Variants in IFIT1B observed in about 807,000 individuals in gnomAD.
IFIT1B encodes protein IFIT1 homolog B.
IFIT1B carries 3 observed loss-of-function variants against 2.5 expected under a neutral mutation model. The ratio of observed to expected loss-of-function variants is 1.21; its 90% confidence interval spans 0.55 to 3.14. The LOEUF (loss-of-function observed/expected upper bound fraction) is 3.14, where lower values mean the gene tolerates loss of function less well. Ranked by LOEUF, IFIT1B falls within the 30% of genes most tolerant of loss-of-function variation. IFIT1B has a pLI of 0.03. For missense variants in IFIT1B, 545 were observed against 556.5 expected (o/e 0.98, Z 0.21); for synonymous variants, 196 against 203.0 (o/e 0.97, Z 0.29).
In IFIT1B at chr10:89,383,341, A is replaced by T; in HGVS notation, c.28A>T (p.Ile10Phe). 6.2e-7 allele frequency: 1 copy of T among 1,613,486 alleles called. No homozygotes were observed. Among genetic ancestry groups the T allele is most frequent in the African/African-American group, 1.3e-5 (1 of 74,974 alleles). ...CAGTGAAGAATCTGATGGAAAGCTTATTGAAGACAGCCTGATTCAGCTGAG... is the reference window on the plus strand; with the variant it reads ...CAGTGAAGAATCTGATGGAAAGCTTTTTGAAGACAGCCTGATTCAGCTGAG... MSEESDGKL[I>F]EDSLIQLRCH... Residue 10 changes from isoleucine to phenylalanine, a missense_variant, in exon 2 of 2, where the codon ATT (isoleucine) becomes TTT (phenylalanine). Coordinates refer to ENST00000371809, the MANE Select transcript of IFIT1B (RefSeq NM_001010987.2).
intron 1 of IFIT1B, among the ~76,000 whole-genome samples, chr10:89,380,216 G>A (rs145871074): frequency 7.1e-4 from 108 of 152,224 alleles, no homozygotes; most frequent in Admixed American, 2.0e-3. Context: ...GACTATCCCA[G>A]ACTGAATAAT....
At chr10:89,380,323 G>T (rs1185203629) in intron 1 of IFIT1B, among the ~76,000 whole-genome samples, 1 of 152,170 alleles carries the variant, frequency 6.6e-6, no homozygotes, top group Non-Finnish European at 1.5e-5. Flanking sequence ...GACAGCTTAA[G>T]TGGAGCTTAA....
In IFIT1B at chr10:89,378,089, A is replaced by G; in HGVS notation, c.-47A>G. ...GTGGATGAACCTTGAAGGAGCCTCCAAGCCTGAACCAAAGCACTACAGATC... is the reference window on the plus strand; with the variant it reads ...GTGGATGAACCTTGAAGGAGCCTCCGAGCCTGAACCAAAGCACTACAGATC... On this transcript the variant is annotated 5_prime_UTR_variant, in exon 1 of 2. Coordinates refer to ENST00000371809, the MANE Select transcript of IFIT1B (RefSeq NM_001010987.2). 6.2e-7 allele frequency: 1 copy of G among 1,612,196 alleles called. No individual in the cohort carries two copies. Among genetic ancestry groups the G allele is most frequent in the Non-Finnish European group, 8.5e-7 (1 of 1,178,342 alleles).
chr10:89,382,483 T>A (rs895118118), intron 1 of IFIT1B, among the ~76,000 whole-genome samples: 1 of 152,222 alleles, frequency 6.6e-6, no homozygotes, highest in African/African-American at 2.4e-5. Flanking sequence ...TCCCACTGAC[T>A]TCATATTATT....
At position 89,384,437 on chromosome 10, in the gene IFIT1B, A is replaced by T. The variant is rs751785796; in HGVS notation, c.1124A>T (p.Gln375Leu). The T allele has an allele frequency of 6.2e-7, 1 of 1,614,244 alleles. No homozygotes were observed. Among genetic ancestry groups the T allele is most frequent in the Non-Finnish European group, 8.5e-7 (1 of 1,180,050 alleles). ...TTACGCATGAAGATCTTTGAAGATC[A>T]GCTAAAGCAAGAGATTCATTACCAC... ...KGLRMKIFED[Q>L]LKQEIHYHYG... Residue 375 changes from glutamine to leucine, a missense_variant, in exon 2 of 2, where the codon CAG becomes CTG. By Grantham distance (113) the Gln-to-Leu change is moderately radical. Coordinates refer to ENST00000371809, the MANE Select transcript of IFIT1B (RefSeq NM_001010987.2).
chr10:89,379,818 A>G (rs1844149169), intron 1 of IFIT1B, among the ~76,000 whole-genome samples: 1 of 152,158 alleles, frequency 6.6e-6, no homozygotes, highest in African/African-American at 2.4e-5. Context: ...GCAGATCACG[A>G]GGTCAGGAGA....
chr10:89,383,262 T>C, intron 1 of IFIT1B, 57 bp from the exon 2 acceptor site: 1 of 1,471,328 alleles, frequency 6.8e-7, no homozygotes, highest in Admixed American at 2.0e-5. Context: ...GCTGGCTTCA[T>C]TTTCAGTGGA....
In IFIT1B at chr10:89,383,763, G is replaced by A. The variant is rs781015137; in HGVS notation, c.450G>A (p.Ala150=). The A allele has an allele frequency of 3.4e-5, 55 of 1,614,070 alleles. No individual in the cohort carries two copies. Among genetic ancestry groups the A allele is most frequent in the South Asian group, 6.6e-5 (6 of 91,088 alleles). ...EVDCEEGWAL[A]KCGGKNYERA... ...ACTGTGAGGAAGGATGGGCCTTGGC[G>A]AAGTGTGGTGGAAAGAATTATGAAC... is the stretch of plus-strand genomic sequence containing the variant. Residue 150 remains alanine (A), a synonymous_variant, in exon 2 of 2, where the codon GCG becomes GCA. Coordinates refer to ENST00000371809, the MANE Select transcript of IFIT1B (RefSeq NM_001010987.2).
At chr10:89,382,118 C>T (rs999662164) in intron 1 of IFIT1B, among the ~76,000 whole-genome samples, 1 of 151,952 alleles carries the variant, frequency 6.6e-6, no homozygotes, top group African/African-American at 2.4e-5. Flanking sequence ...TTTCATCATC[C>T]ATTTTTTGTG....
chr10:89,384,455 A>G lies in IFIT1B; in HGVS notation c.1142A>G (p.His381Arg), dbSNP rs755994172. ...GAAGATCAGCTAAAGCAAGAGATTCATTACCACTACGGCCGTTTCCAAGAA... is the reference window on the plus strand; with the variant it reads ...GAAGATCAGCTAAAGCAAGAGATTCGTTACCACTACGGCCGTTTCCAAGAA... Reference protein sequence around the residue: ...IFEDQLKQEIHYHYGRFQEHH... With the variant: ...IFEDQLKQEIRYHYGRFQEHH... Residue 381 changes from histidine to arginine, a missense_variant, in exon 2 of 2, where the codon CAT (histidine) becomes CGT (arginine). Coordinates refer to ENST00000371809, the MANE Select transcript of IFIT1B (RefSeq NM_001010987.2). The G allele has an allele frequency of 6.2e-7, 1 of 1,614,246 alleles. No homozygotes were observed. The highest frequency in any genetic ancestry group is 1.1e-5 in the South Asian group (1 of 91,090).
Position 89,384,655 on chromosome 10 carries a change from A to G in IFIT1B, c.1342A>G (p.Lys448Glu). Residue 448 changes from lysine to glutamate, a missense_variant, in exon 2 of 2, where the codon AAA becomes GAA. Coordinates refer to ENST00000371809, the MANE Select transcript of IFIT1B (RefSeq NM_001010987.2). ...TGTCAGCCTCCTTGGGCTTATCCACAAATTGAAAGGAGAAGTAAGTGATGC... is the reference window on the plus strand; with the variant it reads ...TGTCAGCCTCCTTGGGCTTATCCACGAATTGAAAGGAGAAGTAAGTGATGC... Reference protein sequence around the residue: ...ESVSLLGLIHKLKGEVSDALL... With the variant: ...ESVSLLGLIHELKGEVSDALL... 6.2e-7 allele frequency: 1 copy of G among 1,614,226 alleles called. No homozygotes were observed. The highest frequency in any genetic ancestry group is 8.5e-7 in the Non-Finnish European group (1 of 1,180,032).
intron 1 of IFIT1B, among the ~76,000 whole-genome samples, chr10:89,380,145 G>T (rs1384567571): frequency 6.6e-6 from 1 of 152,102 alleles, no homozygotes; most frequent in Non-Finnish European, 1.5e-5. Context: ...GAGAGGTTTT[G>T]CAATGGCCTG....
rs748168634 is a variant in IFIT1B at position 89,384,058 on chromosome 10, T to C, written c.745T>C (p.Ser249Pro). The change falls in exon 2 of 2, where the codon TCA (serine) becomes CCA (proline). Residue 249 changes from serine to proline, a missense_variant. By Grantham distance (74) the Ser-to-Pro change is moderately conservative (BLOSUM62 -1). Transcript: ENST00000371809. Reference protein sequence around the residue: ...YIEEALTSISSQAYVFQYAAK... With the variant: ...YIEEALTSISPQAYVFQYAAK... ...TGAAGAAGCTCTGACCAGTATATCT[T>C]CACAGGCCTATGTCTTTCAATATGC... The C allele has an allele frequency of 6.2e-7, 1 of 1,614,208 alleles. No homozygotes were observed.
Position 89,384,635 on chromosome 10 carries a change from G to T in IFIT1B, c.1322G>T (p.Ser441Ile), listed in dbSNP as rs1392523634. 2 of 1,614,210 alleles carry T rather than the reference G, an allele frequency of 1.2e-6. No individual in the cohort carries two copies. The highest frequency in any genetic ancestry group is 2.2e-5 in the South Asian group (2 of 91,088). The change falls in exon 2 of 2, where the codon AGC becomes ATC. Residue 441 changes from serine (S) to isoleucine (I), a missense_variant. Coordinates refer to ENST00000371809, the MANE Select transcript of IFIT1B (RefSeq NM_001010987.2). ...AATGTACGGGTTGTGGAAAGTGTCA[G>T]CCTCCTTGGGCTTATCCACAAATTG... ...HQNVRVVESV[S>I]LLGLIHKLKG...
intron 1 of IFIT1B, among the ~76,000 whole-genome samples, chr10:89,378,509 C>T (rs1477418739): frequency 6.6e-6 from 1 of 152,080 alleles, no homozygotes; most frequent in Non-Finnish European, 1.5e-5. Flanking sequence ...CTCAAGAGGC[C>T]TTTGGTGAAA....
Position 89,383,827 on chromosome 10 carries a change from C to T in IFIT1B, c.514C>T (p.Pro172Ser), listed in dbSNP as rs1844182058. 1.9e-6 allele frequency: 3 copies of T among 1,614,176 alleles called. No individual in the cohort carries two copies. The highest frequency in any genetic ancestry group is 1.7e-6 in the Non-Finnish European group (2 of 1,180,032). ...CTTTGAAAAGGCTCTGGAAGGGAAC[C>T]CTGAAAACCCTGAATTCAATACTGG... ...TCFEKALEGN[P>S]ENPEFNTGYA... is the part of the protein sequence containing the mutation. Residue 172 changes from proline to serine, a missense_variant, in exon 2 of 2, where the codon CCT becomes TCT. Transcript: ENST00000371809.
In IFIT1B at chr10:89,383,603, C is replaced by T. The variant is rs1276687618; in HGVS notation, c.290C>T (p.Thr97Ile). 6 of 1,614,074 alleles carry T rather than the reference C, an allele frequency of 3.7e-6. No individual in the cohort carries two copies. The highest frequency in any genetic ancestry group is 1.3e-5 in the African/African-American group (1 of 74,916). ...CAAGCAGATATTAGAAGTCTGGTGA[C>T]CTGGGGCAACTTTGCCTGGGTGTAT... Reference protein sequence around the residue: ...ANQADIRSLVTWGNFAWVYYH... With the variant: ...ANQADIRSLVIWGNFAWVYYH... Residue 97 changes from threonine (T) to isoleucine (I), a missense_variant, in exon 2 of 2, where the codon ACC (threonine) becomes ATC (isoleucine). Transcript: ENST00000371809.
rs1483654849 is a variant in IFIT1B at position 89,385,036 on chromosome 10, A to T, written c.*298A>T. 3.1e-6 allele frequency: 1 copy of T among 327,536 alleles called. No individual in the cohort carries two copies. The highest frequency in any genetic ancestry group is 5.6e-6 in the Non-Finnish European group (1 of 176,998). The allele number at this position is 327,536 out of a possible 1,614,324, so 20.3% of individuals were successfully genotyped here. A position where few individuals can be genotyped will look rare whatever the true frequency, so the allele number is the denominator to read the frequency against. ...AAGTAGTAACCGATCAAATTGCTATAACGTGTGTACTGACCTTATGTGGAA... is the reference window on the plus strand; with the variant it reads ...AAGTAGTAACCGATCAAATTGCTATTACGTGTGTACTGACCTTATGTGGAA... On this transcript the variant is annotated 3_prime_UTR_variant, in exon 2 of 2. Transcript: ENST00000371809.
rs766537437 is a variant in IFIT1B at position 89,383,567 on chromosome 10, A to C, written c.254A>C (p.Glu85Ala). Residue 85 changes from glutamate to alanine, a missense_variant, in exon 2 of 2, where the codon GAA becomes GCA. Transcript: ENST00000371809. ...LKKAEDLIQK[E>A]HANQADIRSL... Reference sequence around the variant, plus strand: ...AAGGCTGAAGACTTAATTCAGAAAGAACATGCCAACCAAGCAGATATTAGA... The same window carrying C: ...AAGGCTGAAGACTTAATTCAGAAAGCACATGCCAACCAAGCAGATATTAGA... 6.2e-7 allele frequency: 1 copy of C among 1,614,240 alleles called. No homozygotes were observed. The highest frequency in any genetic ancestry group is 1.1e-5 in the South Asian group (1 of 91,086).
Sources: gnomAD v4.1 joint callset for allele counts (sites outside exome capture counted in the v4.1 genomes callset) on GRCh38, gnomAD v4.1.1 for gene constraint, MANE v1.5 for transcripts, NCBI Gene and HGNC (gene_info 2026-07-23, HGNC 2026-07-21) for gene names.